ABCA10: variants seen among roughly 807,000 people sequenced by gnomAD.
ABCA10 encodes the protein ATP-binding cassette sub-family A member 10.
In ABCA10, 169 loss-of-function variants were observed where a neutral mutation model predicts 187.5. The observed-to-expected ratio is 0.90, with a 90% confidence interval of 0.80 to 1.02. ABCA10 has a LOEUF of 1.02. ABCA10 is among the 50% of genes least tolerant of loss of function. The probability of loss-of-function intolerance (pLI) is 0.00; values close to 1 mark genes in which losing one functional copy is unlikely to be tolerated. For missense variants in ABCA10, 1,727 were observed against 1,812.4 expected, an observed-to-expected ratio of 0.95 and a Z score of 0.86; for synonymous variants, 574 against 601.8, an observed-to-expected ratio of 0.95 and a Z score of 0.68.
intron 11 of ABCA10, 150 bp downstream of exon 11, chr17:69,196,914 C>A: frequency 1.7e-6 from 1 of 592,666 alleles, no homozygotes; most frequent in Non-Finnish European, 2.9e-6. Context: ...TCGGCAGGCA[C>A]TCGGCAGGAG....
rs879842343 is a variant in ABCA10, at chr17:69,176,221, T to C, written c.2770-708A>G. 8.5e-5 allele frequency among the ~76,000 whole-genome samples: 13 copies of C among 152,264 alleles called. No homozygotes were observed. In the South Asian group the frequency reaches 1.2e-3, roughly 15 times the overall value. ...TCCCTATTTCCAAGTTGGCCTCTAATAGTGATTGTTGTGAAGCTGGACTTA... is the reference window on the plus strand; with the variant it reads ...TCCCTATTTCCAAGTTGGCCTCTAACAGTGATTGTTGTGAAGCTGGACTTA... On this transcript the variant is annotated intron_variant, in intron 22 of 38. Transcript: ENST00000690296.
intron 1 of ABCA10, among the ~76,000 whole-genome samples, chr17:69,240,418 GTTCT>G (rs1186535427): frequency 6.6e-6 from 1 of 152,158 alleles, no homozygotes; most frequent in Non-Finnish European, 1.5e-5. Flanking sequence ...GGAGAAATAA[GTTCT>G]TTATTTCTGA....
intron 10 of ABCA10, 97 bp downstream of exon 10, chr17:69,201,403 A>C (rs1598112072): frequency 1.8e-6 from 2 of 1,125,236 alleles, no homozygotes; most frequent in South Asian, 5.5e-5. Context: ...AATAATAAAA[A>C]GAAAAGAACA....
chr17:69,201,698 C>T (rs1372981753), intron 9 of ABCA10, 30 bp from the exon 10 acceptor site: 3 of 1,524,798 alleles, frequency 2.0e-6, no homozygotes, highest in African/African-American at 1.4e-5. Context: ...TTACATATTG[C>T]ATCAATTATA....
chr17:69,197,836 C>A (rs2074517383), intron 10 of ABCA10, among the ~76,000 whole-genome samples: 1 of 152,168 alleles, frequency 6.6e-6, no homozygotes, highest in South Asian at 2.1e-4. Flanking sequence ...TATTCTCAAA[C>A]CTTTGCCATA....
At chr17:69,201,798 T>A (rs867610928) in intron 9 of ABCA10, 130 bp from the exon 10 acceptor site, 11 of 850,188 alleles carry the variant, frequency 1.3e-5, no homozygotes, top group African/African-American at 7.1e-5. Flanking sequence ...TTATAATTTT[T>A]TTTTTTGAGA....
rs761410604 is a variant in ABCA10 at position 69,182,767 on chromosome 17, C to G, written c.2539G>C (p.Asp847His). 25 of 1,611,052 alleles carry G rather than the reference C, an allele frequency of 1.6e-5. No individual in the cohort carries two copies. The highest frequency in any genetic ancestry group is 2.1e-5 in the Non-Finnish European group (25 of 1,178,588). Residue 847 changes from aspartate to histidine, a missense_variant, in exon 21 of 39, where the codon GAT becomes CAT. Asp to His is a moderately conservative substitution (Grantham distance 81, BLOSUM62 -1). Transcript: ENST00000690296. ...AAGTCATCTATTTCCAAAACTATATCCTGACACTTCAGTGAATGCACGAGG... is the reference window on the plus strand; with the variant it reads ...AAGTCATCTATTTCCAAAACTATATGCTGACACTTCAGTGAATGCACGAGG... ...EDLVHSLKCQDIVLEIDDFRN... is the reference protein window; with the variant it reads ...EDLVHSLKCQHIVLEIDDFRN...
intron 9 of ABCA10, among the ~76,000 whole-genome samples, chr17:69,203,383 T>G (rs1344906998): frequency 6.6e-6 from 1 of 152,236 alleles, no homozygotes; most frequent in East Asian, 1.9e-4. Flanking sequence ...ATGTTTTATA[T>G]TCTTGTTTTG....
At chr17:69,230,535 C>G (rs1426503680), upstream of ABCA10, among the ~76,000 whole-genome samples, 1 of 152,014 alleles carries the variant, frequency 6.6e-6, no homozygotes, top group Non-Finnish European at 1.5e-5. Context: ...GCTACAGAGT[C>G]AGAATGTTGA....
intron 9 of ABCA10, among the ~76,000 whole-genome samples, chr17:69,209,265 T>A (rs1390693071): frequency 6.6e-6 from 1 of 152,212 alleles, no homozygotes; most frequent in African/African-American, 2.4e-5. Flanking sequence ...TAATTTTATG[T>A]GGGTTATGTA....
At chr17:69,231,557 C>T (rs182340520), upstream of ABCA10, among the ~76,000 whole-genome samples, 3 of 152,172 alleles carry the variant, frequency 2.0e-5, no homozygotes, top group East Asian at 5.8e-4. Flanking sequence ...TGTTTAATGT[C>T]CGTGTATTTG....
At chr17:69,224,184 A>G (rs1015654511) in intron 3 of ABCA10, among the ~76,000 whole-genome samples, 1 of 152,200 alleles carries the variant, frequency 6.6e-6, no homozygotes, top group African/African-American at 2.4e-5. Flanking sequence ...TAGGCACAGA[A>G]TATTAGCAAC....
chr17:69,230,483 T>C (rs1468300711), upstream of ABCA10, among the ~76,000 whole-genome samples: 4 of 151,204 alleles, frequency 2.6e-5, no homozygotes, highest in East Asian at 5.8e-4. Flanking sequence ...ATTTGGACCC[T>C]TTTCATTCTT....
intron 27 of ABCA10, 67 bp downstream of exon 27, chr17:69,164,007 T>C (rs36025698): frequency 0.026 from 33,704 of 1,294,366 alleles, 611 homozygotes; most frequent in Non-Finnish European, 0.03. Flanking sequence ...TGGCATACCT[T>C]GAATAAGATT....
Position 69,187,734 on chromosome 17 carries a change from C to A in ABCA10, c.2277G>T (p.Val759=), listed in dbSNP as rs2074432513. 1 of 1,613,700 alleles carries A rather than the reference C, an allele frequency of 6.2e-7. No individual in the cohort carries two copies. The highest frequency in any genetic ancestry group is 1.3e-5 in the African/African-American group (1 of 74,894). The stretch of plus-strand genomic sequence containing the variant: ...TTAACTTTAAGAAGCGAAGTGTTGC[C>A]ACTGCATAGATTTGTCGTCTCCAGA... ...AALWRRQIYA[V]ATLRFLKLRR... Residue 759 remains valine (V), a synonymous_variant, in exon 19 of 39, where the codon GTG becomes GTT. Transcript: ENST00000690296.
In ABCA10 at chr17:69,201,482, A is replaced by T. The variant is rs1413801570; in HGVS notation, c.1175+18T>A. 2 of 1,554,622 alleles carry T rather than the reference A, an allele frequency of 1.3e-6. No individual in the cohort carries two copies. The highest frequency in any genetic ancestry group is 2.5e-5 in the South Asian group (2 of 79,366). ...CTTTTACCTATAAGTGTACATAGTC[A>T]TGTAATTTCTTAGTTACCTTATGGC... On this transcript the variant is annotated intron_variant, in intron 10 of 38. Transcript: ENST00000690296.
At chr17:69,190,711 CTG>C (rs529095217) in intron 17 of ABCA10, among the ~76,000 whole-genome samples, 12 of 151,762 alleles carry the variant, frequency 7.9e-5, no homozygotes, top group Admixed American at 2.0e-4. Flanking sequence ...ATCATTATTG[CTG>C]TGTGTGTTTG....
At chr17:69,222,747 G>A in intron 3 of ABCA10, 50 bp from the exon 4 acceptor site, 1 of 1,477,904 alleles carries the variant, frequency 6.8e-7, no homozygotes, top group Non-Finnish European at 9.0e-7. Flanking sequence ...CTTATTACTA[G>A]AGGACACAAA....
intron 1 of ABCA10, among the ~76,000 whole-genome samples, chr17:69,242,608 G>A (rs2074910342): frequency 6.6e-6 from 1 of 152,110 alleles, no homozygotes; most frequent in South Asian, 2.1e-4. Flanking sequence ...GGGATTACAG[G>A]CACGTGCCAC....
Sources: gnomAD v4.1 joint callset for allele counts (sites outside exome capture counted in the v4.1 genomes callset) on GRCh38, gnomAD v4.1.1 for gene constraint, MANE v1.5 for transcripts, NCBI Gene and HGNC (gene_info 2026-07-23, HGNC 2026-07-21) for gene names.